The following CPQ variants were observed in gnomAD, a reference collection of about 807,000 sequenced individuals.
CPQ encodes the protein Ser-Met dipeptidase.
A neutral mutation model predicts 45.7 loss-of-function variants in CPQ; 37 were observed. The observed-to-expected ratio is 0.81, with a 90% CI of 0.62 to 1.07. The LOEUF (loss-of-function observed/expected upper bound fraction) is 1.07. Among genes scored for constraint, CPQ ranks in the 50% least tolerant of loss-of-function variants. The pLI is 0.00. For synonymous variants in CPQ, 186 were observed against 205.8 expected (o/e 0.90, Z 0.82); for missense variants, 537 against 572.9 (o/e 0.94, Z 0.64).
At chr8:96,884,345 T>C (rs1180135934) in intron 4 of CPQ, among the ~76,000 whole-genome samples, 8 of 152,158 alleles carry the variant, frequency 5.3e-5, no homozygotes. Flanking sequence ...TCCCCCCGAT[T>C]TTTTTTCTTC....
chr8:97,014,532 C>G (rs1298944013), intron 5 of CPQ, among the ~76,000 whole-genome samples: 1 of 151,400 alleles, frequency 6.6e-6, no homozygotes, highest in Non-Finnish European at 1.5e-5. Context: ...TGCCTGTAAT[C>G]TCTGGAGGCA....
At chr8:96,887,940 T>G (rs1432624490) in intron 4 of CPQ, among the ~76,000 whole-genome samples, 1 of 152,234 alleles carries the variant, frequency 6.6e-6, no homozygotes, top group Non-Finnish European at 1.5e-5. Flanking sequence ...AGTACAGTAC[T>G]GTGAAGGCTA....
chr8:96,682,493 G>T (rs939645809), intron 1 of CPQ, among the ~76,000 whole-genome samples: 1 of 152,186 alleles, frequency 6.6e-6, no homozygotes, highest in African/African-American at 2.4e-5. Flanking sequence ...TCTTTCTTTT[G>T]TAAGTTGCCT....
rs190030045 is a variant in CPQ, at chr8:96,723,753, T to C, written c.-34-61111T>C. The stretch of plus-strand genomic sequence containing the variant: ...GATTTAGTAGATGTTGGTTAGCAAC[T>C]GTGGAGCTGCAGGACAACAACCAAC... On this transcript the variant is annotated intron_variant, in intron 1 of 7. Transcript: ENST00000220763. 6.3e-3 allele frequency among the ~76,000 whole-genome samples: 957 copies of C among 152,260 alleles called. 8 individuals are homozygous for C. The highest frequency in any genetic ancestry group is 0.021 in the African/African-American group (880 of 41,552).
At chr8:97,043,485 C>T (rs912810372) in intron 6 of CPQ, among the ~76,000 whole-genome samples, 2 of 152,114 alleles carry the variant, frequency 1.3e-5, no homozygotes, top group South Asian at 2.1e-4. Context: ...AGTCCATTTA[C>T]ATTTAAAGAT....
intron 6 of CPQ, among the ~76,000 whole-genome samples, chr8:97,035,746 C>T (rs142310643): frequency 0.019 from 2,889 of 152,132 alleles, 95 homozygotes; most frequent in African/African-American, 0.066. Context: ...CTCGCTCTGT[C>T]GCCCAGGCTG....
chr8:97,114,652 C>A (rs921685678), intron 7 of CPQ, among the ~76,000 whole-genome samples: 2 of 152,130 alleles, frequency 1.3e-5, no homozygotes, highest in South Asian at 2.1e-4. Flanking sequence ...GAAGTTATAC[C>A]ATTACCTAGA....
intron 4 of CPQ, among the ~76,000 whole-genome samples, chr8:96,931,379 C>T (rs1812973124): frequency 6.6e-6 from 1 of 151,998 alleles, no homozygotes; most frequent in Admixed American, 6.6e-5. Flanking sequence ...TCATAGTGGC[C>T]CCAGAAAAAA....
intron 1 of CPQ, among the ~76,000 whole-genome samples, chr8:96,703,693 A>G (rs1036712862): frequency 2.0e-5 from 3 of 152,126 alleles, no homozygotes; most frequent in Non-Finnish European, 2.9e-5. Context: ...ACCTAATAAG[A>G]TTAAGGTCCA....
At chr8:96,764,467 A>G (rs1439402364) in intron 1 of CPQ, among the ~76,000 whole-genome samples, 1 of 152,224 alleles carries the variant, frequency 6.6e-6, no homozygotes, top group East Asian at 1.9e-4. Flanking sequence ...CAGTTAAGGA[A>G]CACATGTTCA....
intron 3 of CPQ, among the ~76,000 whole-genome samples, chr8:96,844,862 A>G (rs1459987916): frequency 6.6e-6 from 1 of 152,162 alleles, no homozygotes; most frequent in Non-Finnish European, 1.5e-5. Flanking sequence ...TTGACTAAAA[A>G]CTATGCACTT....
At chr8:96,916,986 T>C (rs1812742364) in intron 4 of CPQ, among the ~76,000 whole-genome samples, 1 of 152,120 alleles carries the variant, frequency 6.6e-6, no homozygotes, top group Non-Finnish European at 1.5e-5. Flanking sequence ...GATGGTAACT[T>C]TGATCACCTG....
intron 7 of CPQ, among the ~76,000 whole-genome samples, chr8:97,116,136 G>A (rs981418076): frequency 2.0e-5 from 3 of 152,170 alleles, no homozygotes; most frequent in East Asian, 1.9e-4. Context: ...AATAGGAAAA[G>A]TTAAGACCAA....
At chr8:96,753,349 A>G (rs1249200812) in intron 1 of CPQ, among the ~76,000 whole-genome samples, 1 of 152,046 alleles carries the variant, frequency 6.6e-6, no homozygotes, top group Non-Finnish European at 1.5e-5. Context: ...ATTTCCACTG[A>G]TTTTACTTTT....
chr8:96,953,273 C>G (rs1813297744), intron 4 of CPQ, among the ~76,000 whole-genome samples: 1 of 152,038 alleles, frequency 6.6e-6, no homozygotes, highest in Non-Finnish European at 1.5e-5. Context: ...GGGCAGGTGT[C>G]CATTGTTTAC....
intron 4 of CPQ, among the ~76,000 whole-genome samples, chr8:96,926,593 C>A (rs1318439591): frequency 1.4e-5 from 2 of 144,466 alleles, no homozygotes; most frequent in African/African-American, 5.5e-5. Context: ...TCTTCTTCTT[C>A]TTCTTCTTCT....
chr8:96,662,021 C>T (rs1815707194), intron 1 of CPQ, among the ~76,000 whole-genome samples: 1 of 152,140 alleles, frequency 6.6e-6, no homozygotes, highest in South Asian at 2.1e-4. Context: ...TTTTCCATTT[C>T]CCTGCTTACA....
rs145065827 is a variant in CPQ at position 97,067,083 on chromosome 8, T to C, written c.1255+873T>C. Among the ~76,000 whole-genome samples the C allele has an allele frequency of 3.7e-3, 557 of 152,008 alleles. 1 individual carries two copies. The highest frequency in any genetic ancestry group is 0.012 in the African/African-American group (510 of 41,470). On this transcript the variant is annotated intron_variant, in intron 7 of 7. Coordinates refer to ENST00000220763, the MANE Select transcript of CPQ (RefSeq NM_016134.4). ...CTGGGATTATGAGTGTGCACCACCATGCCTGGCTAACTTTTGTATTTTTTA... is the reference window on the plus strand; with the variant it reads ...CTGGGATTATGAGTGTGCACCACCACGCCTGGCTAACTTTTGTATTTTTTA...
At chr8:96,771,593 A>G (rs1810544295) in intron 1 of CPQ, among the ~76,000 whole-genome samples, 1 of 152,136 alleles carries the variant, frequency 6.6e-6, no homozygotes, top group African/African-American at 2.4e-5. Context: ...TTAGGTGCCC[A>G]GGAGGACATG....
Sources: gnomAD v4.1 joint callset for allele counts (sites outside exome capture counted in the v4.1 genomes callset) on GRCh38, gnomAD v4.1.1 for gene constraint, MANE v1.5 for transcripts, NCBI Gene and HGNC (gene_info 2026-07-23, HGNC 2026-07-21) for gene names.